MYO9A: variants seen among roughly 807,000 people sequenced by gnomAD.
The protein encoded by MYO9A is myosin IXA, also known as unconventional myosin-IXa.
Under a neutral mutation model 293.3 loss-of-function variants are expected in MYO9A, and 103 were observed. That is an observed-to-expected ratio of 0.35 (90% CI 0.30 to 0.41). The LOEUF is 0.41. Among genes scored for constraint, MYO9A ranks in the 10% least tolerant of loss-of-function variants. The pLI is 1.00. For missense variants in MYO9A, 2,685 were observed against 3,033.0 expected (o/e 0.89, Z 2.69); for synonymous variants, 1,001 against 1,035.7 (o/e 0.97, Z 0.64).
At chr15:72,057,595 A>C (rs993177212) in intron 1 of MYO9A, among the ~76,000 whole-genome samples, 10 of 152,210 alleles carry the variant, frequency 6.6e-5, no homozygotes, top group Non-Finnish European at 1.2e-4. Flanking sequence ...CATTACTCTT[A>C]GCCACAGTGG....
chr15:71,952,427 G>A (rs1195192532), intron 14 of MYO9A, among the ~76,000 whole-genome samples: 1 of 152,152 alleles, frequency 6.6e-6, no homozygotes, highest in Non-Finnish European at 1.5e-5. Context: ...CAGCACTTCT[G>A]TACTTATAAA....
intron 33 of MYO9A, 107 bp from the exon 34 acceptor site, chr15:71,859,903 A>G: frequency 1.2e-6 from 1 of 855,142 alleles, no homozygotes; most frequent in Non-Finnish European, 1.8e-6. Flanking sequence ...TTTAAATCTC[A>G]GACTGCTGTA....
chr15:72,046,423 C>G lies in MYO9A; in HGVS notation c.141G>C (p.Glu47Asp). 1 of 1,614,144 alleles carries G rather than the reference C, an allele frequency of 6.2e-7. No individual in the cohort carries two copies. Among genetic ancestry groups the G allele is most frequent in the Middle Eastern group, 1.6e-4 (1 of 6,062 alleles). Reference sequence around the variant, plus strand: ...CAAGATGAAGTTTGTTTATAAGAGACTCAATCACCTCAGCAGCTGTGGAGT... The same window carrying G: ...CAAGATGAAGTTTGTTTATAAGAGAGTCAATCACCTCAGCAGCTGTGGAGT... Reference protein sequence around the residue: ...RKNSTAAEVIESLINKLHLDK... With the variant: ...RKNSTAAEVIDSLINKLHLDK... Residue 47 changes from glutamate to aspartate, a missense_variant, in exon 2 of 42, where the codon GAG (glutamate) becomes GAC (aspartate). Physicochemically the swap from Glu to Asp is conservative, Grantham distance 45. Coordinates refer to ENST00000356056, the MANE Select transcript of MYO9A (RefSeq NM_006901.4).
chr15:72,030,537 T>C (rs1057209526), intron 3 of MYO9A, among the ~76,000 whole-genome samples: 1 of 152,060 alleles, frequency 6.6e-6, no homozygotes, highest in Non-Finnish European at 1.5e-5. Context: ...TATATGGTTT[T>C]TTTCCTTGAA....
chr15:72,022,304 G>A (rs2077523927), intron 4 of MYO9A, among the ~76,000 whole-genome samples: 2 of 151,862 alleles, frequency 1.3e-5, no homozygotes, highest in East Asian at 1.9e-4. Flanking sequence ...GGTGGATCAC[G>A]AGGTCAAGAG....
intron 15 of MYO9A, among the ~76,000 whole-genome samples, chr15:71,948,691 C>T (rs1442805471): frequency 1.3e-5 from 2 of 152,122 alleles, no homozygotes; most frequent in Non-Finnish European, 2.9e-5. Flanking sequence ...TGATTTCCCT[C>T]GAGCCTGAAG....
chr15:72,022,380 C>T (rs1427656199), intron 4 of MYO9A, among the ~76,000 whole-genome samples: 3 of 151,924 alleles, frequency 2.0e-5, no homozygotes, highest in African/African-American at 7.2e-5. Context: ...ATTAGCTGGG[C>T]ATCATGACGT....
intron 15 of MYO9A, among the ~76,000 whole-genome samples, chr15:71,947,787 C>T (rs191024248): frequency 2.6e-5 from 4 of 152,232 alleles, no homozygotes; most frequent in African/African-American, 4.8e-5. Context: ...TGCTGATGCA[C>T]ATCATATTCT....
chr15:71,829,855 AG>A (rs2054645559), intron 40 of MYO9A, among the ~76,000 whole-genome samples: 1 of 152,094 alleles, frequency 6.6e-6, no homozygotes, highest in Non-Finnish European at 1.5e-5. Context: ...TCCTCCTCCC[AG>A]TCAGCCTCTA....
rs1337844766 is a variant in MYO9A, at chr15:71,970,465, TTA to T, written c.1845-2342_1845-2341del. Among the ~76,000 whole-genome samples, 11 of 152,328 alleles carry T rather than the reference TTA, an allele frequency of 7.2e-5. No homozygotes were observed. In the East Asian group the frequency reaches 2.1e-3, roughly 29 times the overall value. On this transcript the variant is annotated intron_variant, in intron 12 of 41. Coordinates refer to ENST00000356056, the MANE Select transcript of MYO9A (RefSeq NM_006901.4). Reference sequence around the variant, plus strand: ...TATATATTCCCTATAAAAAATATTTTTAGAGAAAAAATACTCAATGTAAGTCC... The same window carrying T: ...TATATATTCCCTATAAAAAATATTTTGAGAAAAAATACTCAATGTAAGTCC...
At chr15:71,995,576 GGAGTA>G (rs2076676164) in intron 9 of MYO9A, among the ~76,000 whole-genome samples, 1 of 151,290 alleles carries the variant, frequency 6.6e-6, no homozygotes, top group African/African-American at 2.4e-5. Context: ...AAAAAAAAAG[GGAGTA>G]GAGTATGGCA....
intron 10 of MYO9A, among the ~76,000 whole-genome samples, chr15:71,992,119 T>C (rs2076559883): frequency 6.6e-6 from 1 of 151,980 alleles, no homozygotes. Flanking sequence ...GTTTAAAATG[T>C]TGAATAGTGC....
chr15:71,981,484 T>C (rs1477928631), intron 11 of MYO9A, among the ~76,000 whole-genome samples: 1 of 152,232 alleles, frequency 6.6e-6, no homozygotes, highest in African/African-American at 2.4e-5. Context: ...TTTCTATTTC[T>C]TCTATGTCAG....
chr15:71,878,740 A>T (rs1470228798), intron 30 of MYO9A, among the ~76,000 whole-genome samples: 4 of 108,646 alleles, frequency 3.7e-5, no homozygotes, highest in African/African-American at 6.9e-5. Context: ...GAGATCTGGA[A>T]TTTTTTTTTT....
rs902973786 is a variant in MYO9A, at chr15:71,897,594, A to G, written c.4909T>C (p.Ser1637Pro). ...TCTCTTTTTGAAATGCGATTATTTG[A>G]GAGTTTACAGGCTACATTCAGCTGG... ...GTQLNVACKLSNNRISKREHF... is the reference protein window; with the variant it reads ...GTQLNVACKLPNNRISKREHF... Residue 1637 changes from serine (S) to proline (P), a missense_variant, in exon 25 of 42, where the codon TCA becomes CCA. By Grantham distance (74) the Ser-to-Pro change is moderately conservative. Transcript: ENST00000356056. 6.2e-7 allele frequency: 1 copy of G among 1,614,116 alleles called. No individual in the cohort carries two copies. Among genetic ancestry groups the G allele is most frequent in the South Asian group, 1.1e-5 (1 of 91,084 alleles).
intron 12 of MYO9A, among the ~76,000 whole-genome samples, chr15:71,969,749 T>TA (rs1334745394): frequency 6.6e-6 from 1 of 151,914 alleles, no homozygotes; most frequent in Non-Finnish European, 1.5e-5. Flanking sequence ...TACTTGAAAC[T>TA]AAAAAAGATG....
At chr15:72,062,761 G>A (rs1262334631) in intron 1 of MYO9A, among the ~76,000 whole-genome samples, 1 of 152,204 alleles carries the variant, frequency 6.6e-6, no homozygotes, top group Non-Finnish European at 1.5e-5. Context: ...TATCACACCT[G>A]TAATCCCAGC....
intron 31 of MYO9A, among the ~76,000 whole-genome samples, chr15:71,877,282 C>T (rs999037312): frequency 2.0e-5 from 3 of 151,906 alleles, no homozygotes; most frequent in African/African-American, 7.3e-5. Context: ...ATTCTCAGGC[C>T]GTAACAGGCA....
intron 18 of MYO9A, among the ~76,000 whole-genome samples, chr15:71,930,021 A>C (rs2957730): frequency 0.92 from 140,563 of 152,186 alleles, 65,299 homozygotes; most frequent in Non-Finnish European, 0.97. Context: ...ATTCATTTTT[A>C]TTTAAATGTT....
Sources: gnomAD v4.1 joint callset for allele counts (sites outside exome capture counted in the v4.1 genomes callset) on GRCh38, gnomAD v4.1.1 for gene constraint, MANE v1.5 for transcripts, NCBI Gene and HGNC (gene_info 2026-07-23, HGNC 2026-07-21) for gene names.